The following ZFHX4 variants were observed in gnomAD, a reference collection of about 807,000 sequenced individuals.
The protein encoded by ZFHX4 is zinc finger homeobox protein 4.
In ZFHX4, 56 loss-of-function variants were observed where a neutral mutation model predicts 267.6. That is an observed-to-expected ratio of 0.21 (90% CI 0.17 to 0.26). The LOEUF (loss-of-function observed/expected upper bound fraction) is 0.26. Ranked by LOEUF, ZFHX4 falls within the 10% of genes least tolerant of loss-of-function variation. ZFHX4 has a pLI of 1.00. For synonymous variants in ZFHX4, 1,778 were observed against 1,665.6 expected (o/e 1.07, Z -1.64); for missense variants, 4,332 against 4,420.0 (o/e 0.98, Z 0.56).
At chr8:76,683,415 A>C (rs1489326433) in intron 1 of ZFHX4, 2 of 140,570 alleles carry the variant, frequency 1.4e-5, no homozygotes, top group African/African-American at 5.3e-5. Context: ...CCCCACACAC[A>C]CACCAAACAA....
chr8:76,805,518 A>G (rs536104134), intron 4 of ZFHX4, among the ~76,000 whole-genome samples: 2 of 152,154 alleles, frequency 1.3e-5, no homozygotes, highest in East Asian at 1.9e-4. Context: ...CTTTTTCTCT[A>G]CAGAACAAGA....
At chr8:76,734,743 T>C (rs1389368304) in intron 3 of ZFHX4, among the ~76,000 whole-genome samples, 1 of 152,136 alleles carries the variant, frequency 6.6e-6, no homozygotes, top group Non-Finnish European at 1.5e-5. Flanking sequence ...TATTCTCAAA[T>C]ATATGTTTAC....
At chr8:76,846,500 T>C (rs534554667) in intron 6 of ZFHX4, among the ~76,000 whole-genome samples, 1 of 152,250 alleles carries the variant, frequency 6.6e-6, no homozygotes, top group South Asian at 2.1e-4. Flanking sequence ...AGCCAACAGT[T>C]GTTGCAACGG....
At chr8:76,838,600 G>A (rs1812152349) in intron 5 of ZFHX4, among the ~76,000 whole-genome samples, 1 of 152,164 alleles carries the variant, frequency 6.6e-6, no homozygotes. Flanking sequence ...CACGAGCCAG[G>A]TGTCTTGTAC....
intron 4 of ZFHX4, among the ~76,000 whole-genome samples, chr8:76,813,471 T>C (rs113284411): frequency 0.016 from 2,383 of 152,244 alleles, 52 homozygotes; most frequent in African/African-American, 0.049. Flanking sequence ...AAAAAGGATG[T>C]CTGGAAATCA....
intron 4 of ZFHX4, among the ~76,000 whole-genome samples, chr8:76,811,942 T>C (rs183892656): frequency 6.6e-6 from 1 of 152,202 alleles, no homozygotes; most frequent in East Asian, 1.9e-4. Flanking sequence ...ATAAAAAAGT[T>C]ATAGATTGTA....
chr8:76,728,317 C>T (rs1808908759), intron 3 of ZFHX4, among the ~76,000 whole-genome samples: 2 of 152,088 alleles, frequency 1.3e-5, no homozygotes, highest in Non-Finnish European at 2.9e-5. Flanking sequence ...AGTAGGCCCT[C>T]GATATTCTAG....
chr8:76,777,614 T>C (rs1408496695), intron 3 of ZFHX4, among the ~76,000 whole-genome samples: 6 of 152,154 alleles, frequency 3.9e-5, no homozygotes. Flanking sequence ...CAAAGTAACC[T>C]CTATCACGGA....
chr8:76,771,472 T>A (rs1325848489), intron 3 of ZFHX4, among the ~76,000 whole-genome samples: 1 of 152,098 alleles, frequency 6.6e-6, no homozygotes, highest in Non-Finnish European at 1.5e-5. Context: ...AAGATCTTAC[T>A]CTGTTGCCCA....
chr8:76,779,150 G>C (rs1255900250), intron 4 of ZFHX4, among the ~76,000 whole-genome samples: 2 of 152,164 alleles, frequency 1.3e-5, no homozygotes, highest in East Asian at 3.8e-4. Flanking sequence ...AATTAAATGA[G>C]ACGGCTGTAC....
At chr8:76,775,718 C>T (rs1224581474) in intron 3 of ZFHX4, among the ~76,000 whole-genome samples, 3 of 152,012 alleles carry the variant, frequency 2.0e-5, no homozygotes, top group South Asian at 2.1e-4. Flanking sequence ...TTGTGTTTTA[C>T]GGAAGATCAG....
In ZFHX4 at chr8:76,852,343, C is replaced by A. The variant is rs1236956779; in HGVS notation, c.5422C>A (p.Pro1808Thr). Residue 1808 changes from proline to threonine, a missense_variant, in exon 10 of 11, where the codon CCC becomes ACC. Pro to Thr is a conservative substitution (Grantham distance 38). Around this residue, in one of 7 missense-constraint regions of ZFHX4, gnomAD observed 1,371 missense variants for 1,423.1 expected, o/e 0.96. Coordinates refer to ENST00000651372, the MANE Select transcript of ZFHX4 (RefSeq NM_024721.5). ...AGCACAACAATACCAAGCCACACAGCCCCAGCTGCAGCCTCAAAAACAACA... is the reference window on the plus strand; with the variant it reads ...AGCACAACAATACCAAGCCACACAGACCCAGCTGCAGCCTCAAAAACAACA... The part of the protein sequence containing the change: ...QQAQQYQATQ[P>T]QLQPQKQQQQ... The A allele has an allele frequency of 2.6e-6, 4 of 1,553,248 alleles. No homozygotes were observed. The highest frequency in any genetic ancestry group is 1.4e-5 in the African/African-American group (1 of 73,064).
rs748261996 is a variant in ZFHX4 at position 76,856,118 on chromosome 8, G to A, written c.9197G>A (p.Arg3066His). The A allele has an allele frequency of 5.6e-6, 9 of 1,613,974 alleles. No homozygotes were observed. The highest frequency in any genetic ancestry group is 2.2e-5 in the East Asian group (1 of 44,864). ...RQLMAQQELD[R>H]IKKASDVLGL... Reference sequence around the variant, plus strand: ...CTGATGGCACAGCAAGAACTTGATCGTATAAAGAAAGCTTCAGACGTGCTG... The same window carrying A: ...CTGATGGCACAGCAAGAACTTGATCATATAAAGAAAGCTTCAGACGTGCTG... Residue 3066 changes from arginine to histidine, a missense_variant, in exon 10 of 11, where the codon CGT becomes CAT. This residue lies in a region of ZFHX4 where 1,648 missense variants were observed against 1,625.0 expected (regional missense o/e 1.01). Coordinates refer to ENST00000651372, the MANE Select transcript of ZFHX4 (RefSeq NM_024721.5).
At chr8:76,682,564 G>A (rs919189194) in intron 1 of ZFHX4, 2 of 152,310 alleles carry the variant, frequency 1.3e-5, no homozygotes, top group African/African-American at 4.8e-5. Context: ...GCGAGGCGGC[G>A]GCTGCTTGCT....
intron 1 of ZFHX4, among the ~76,000 whole-genome samples, chr8:76,703,794 T>C (rs1161979285): frequency 6.6e-6 from 1 of 152,208 alleles, no homozygotes; most frequent in Non-Finnish European, 1.5e-5. Context: ...AATTTTAGAC[T>C]TCTTATGAAT....
At position 76,753,876 on chromosome 8, in the gene ZFHX4, C is replaced by A. The variant is rs374030232; in HGVS notation, c.3094-24332C>A. On this transcript the variant is annotated intron_variant, in intron 3 of 10. Transcript: ENST00000651372. ...CTTCTGGGCTCAAGTGATCCTCCTG[C>A]CTTGGCTTCCCAAAGTTTTGGGATC... is the stretch of plus-strand genomic sequence containing the variant. Among the ~76,000 whole-genome samples, 370 of 152,168 alleles carry A rather than the reference C, an allele frequency of 2.4e-3. 3 individuals are homozygous for A. Among genetic ancestry groups the A allele is most frequent in the African/African-American group, 8.4e-3 (348 of 41,526 alleles).
intron 3 of ZFHX4, among the ~76,000 whole-genome samples, chr8:76,714,262 G>T (rs913522597): frequency 2.6e-4 from 39 of 152,110 alleles, no homozygotes; most frequent in Non-Finnish European, 8.8e-5. Flanking sequence ...GTGTTGGGAC[G>T]CCATGCCATA....
rs1808967950 is a variant in ZFHX4 at position 76,730,259 on chromosome 8, C to A, written c.3093+22211C>A. ...TGGTTTAGTTGTGGCCAATAGAATG[C>A]TTTGTGACCACGTGAACAAAGAGAT... is the stretch of plus-strand genomic sequence containing the variant. On this transcript the variant is annotated intron_variant, in intron 3 of 10. Transcript: ENST00000651372. Among the ~76,000 whole-genome samples, 6 of 152,098 alleles carry A rather than the reference C, an allele frequency of 3.9e-5. No individual in the cohort carries two copies. The South Asian group carries it at 1.2e-3, about 32-fold the overall frequency.
intron 1 of ZFHX4, among the ~76,000 whole-genome samples, chr8:76,702,585 T>C (rs944370076): frequency 6.6e-6 from 1 of 152,158 alleles, no homozygotes; most frequent in African/African-American, 2.4e-5. Context: ...TGTAATAAGG[T>C]ATAGGGATGG....
Sources: allele counts gnomAD v4.1 joint callset (sites outside exome capture counted in the v4.1 genomes callset), GRCh38; gene constraint gnomAD v4.1.1; regional missense constraint gnomAD v4.1.1; transcripts MANE v1.5; gene names NCBI Gene and HGNC (gene_info 2026-07-23, HGNC 2026-07-21).